LRFN2: variants seen among roughly 807,000 people sequenced by gnomAD.
The protein encoded by LRFN2 is leucine rich repeat and fibronectin type III domain containing 2, also known as leucine-rich repeat and fibronectin type-III domain-containing protein 2.
Under a neutral mutation model 37.3 loss-of-function variants are expected in LRFN2, and 18 were observed. The ratio of observed to expected loss-of-function variants is 0.48; its 90% CI spans 0.33 to 0.72. The LOEUF is 0.72. LRFN2 is among the 30% of genes least tolerant of loss of function. The pLI is 0.02. For synonymous variants in LRFN2, 556 were observed against 466.6 expected, an observed-to-expected ratio of 1.19 and a Z score of -2.47; for missense variants, 1,006 against 1,060.7, an observed-to-expected ratio of 0.95 and a Z score of 0.72.
rs56662303 is a variant in LRFN2 at position 40,553,125 on chromosome 6, A to G, written c.-19+33816T>C. Among the ~76,000 whole-genome samples the G allele has an allele frequency of 4.6e-3, 707 of 152,194 alleles. 2 individuals are homozygous for G. The highest frequency in any genetic ancestry group is 0.016 in the African/African-American group (649 of 41,526). On this transcript the variant is annotated intron_variant, in intron 1 of 2. Coordinates refer to ENST00000338305, the MANE Select transcript of LRFN2 (RefSeq NM_020737.3). ...CTCCGCTCTGCCTGCCAGGTGGAGG[A>G]GGGCATGTTGCTTTTCTCAGCCACT...
chr6:40,448,055 A>G (rs1435342341), intron 1 of LRFN2, among the ~76,000 whole-genome samples: 2 of 152,224 alleles, frequency 1.3e-5, no homozygotes, highest in African/African-American at 2.4e-5. Context: ...GTCAAAAGCC[A>G]CGAGTGCTCC....
At chr6:40,438,188 G>A (rs1763736919) in intron 1 of LRFN2, among the ~76,000 whole-genome samples, 1 of 151,808 alleles carries the variant, frequency 6.6e-6, no homozygotes, top group Admixed American at 6.6e-5. Context: ...GGAGCAGGGA[G>A]AAGTAAAACA....
intron 1 of LRFN2, among the ~76,000 whole-genome samples, chr6:40,538,496 A>AG: frequency 6.6e-6 from 1 of 152,354 alleles, no homozygotes; most frequent in Non-Finnish European, 1.5e-5. Context: ...AAGAAGAGAA[A>AG]TCCTCGCATC....
intron 1 of LRFN2, among the ~76,000 whole-genome samples, chr6:40,542,333 A>G (rs1474063309): frequency 1.3e-5 from 2 of 152,096 alleles, no homozygotes; most frequent in East Asian, 3.9e-4. Flanking sequence ...CGGTGGCAGC[A>G]GGGGGTCATT....
At chr6:40,521,646 A>G (rs760736306) in intron 1 of LRFN2, among the ~76,000 whole-genome samples, 4 of 152,216 alleles carry the variant, frequency 2.6e-5, no homozygotes, top group Non-Finnish European at 2.9e-5. Flanking sequence ...ACTGTGTGGC[A>G]GGGAGGGGAG....
intron 2 of LRFN2, among the ~76,000 whole-genome samples, chr6:40,416,209 A>G (rs957448691): frequency 2.6e-5 from 4 of 152,150 alleles, no homozygotes; most frequent in Non-Finnish European, 4.4e-5. Context: ...GGATTTCACC[A>G]TGTTGGCCAG....
chr6:40,431,795 C>T lies in LRFN2; in HGVS notation c.1319G>A (p.Trp440Ter), dbSNP rs1235154945. ...EVTTTSALVK[W>*]SVSKSAPRVK... ...CCGGGGTGCTGACTTGCTGACAGAC[C>T]ACTTGACCAGGGCCGAGGTGGTGGT... The change falls in exon 2 of 3, where the codon TGG (tryptophan) becomes TAG (stop). Residue 440 changes from tryptophan (W) to a stop codon, truncating the protein, a stop_gained. Coordinates refer to ENST00000338305, the MANE Select transcript of LRFN2 (RefSeq NM_020737.3). LOFTEE classifies it high-confidence loss of function. The T allele has an allele frequency of 6.5e-7, 1 of 1,539,794 alleles. No individual in the cohort carries two copies. Among genetic ancestry groups the T allele is most frequent in the East Asian group, 2.3e-5 (1 of 44,256 alleles).
At position 40,410,797 on chromosome 6, in the gene LRFN2, G is replaced by A. The variant is rs982222456; in HGVS notation, c.1401-17885C>T. On this transcript the variant is annotated intron_variant, in intron 2 of 2. Transcript: ENST00000338305. ...GTTTTAGGGGTTGGGGTCTCTGCCAGATGGGCAGAGGAGCCTTCCTATGGG... is the reference window on the plus strand; with the variant it reads ...GTTTTAGGGGTTGGGGTCTCTGCCAAATGGGCAGAGGAGCCTTCCTATGGG... Among the ~76,000 whole-genome samples, 7 of 152,226 alleles carry A rather than the reference G, an allele frequency of 4.6e-5. No individual in the cohort carries two copies. In the South Asian group the frequency reaches 8.3e-4, roughly 18 times the overall value.
intron 1 of LRFN2, among the ~76,000 whole-genome samples, chr6:40,488,769 A>G (rs1251367768): frequency 1.3e-5 from 2 of 152,164 alleles, no homozygotes; most frequent in African/African-American, 4.8e-5. Context: ...CAGGTCTGGT[A>G]TGAAGGAATT....
chr6:40,515,236 G>T (rs957031054), intron 1 of LRFN2, among the ~76,000 whole-genome samples: 2 of 152,300 alleles, frequency 1.3e-5, no homozygotes, highest in East Asian at 1.9e-4. Context: ...AGGGAGGCTG[G>T]CAGGGGAATG....
chr6:40,408,072 G>T (rs762437324), intron 2 of LRFN2: 84 of 152,864 alleles, frequency 5.5e-4, no homozygotes, highest in Non-Finnish European at 9.3e-4. Flanking sequence ...GTGCTGGGGG[G>T]AGTGAGGAAT....
chr6:40,411,755 C>T (rs777520853), intron 2 of LRFN2, among the ~76,000 whole-genome samples: 27 of 151,828 alleles, frequency 1.8e-4, no homozygotes, highest in African/African-American at 5.3e-4. Flanking sequence ...GCCCTGGACA[C>T]GCTAGCTAAT....
At chr6:40,540,746 G>T (rs1300347482) in intron 1 of LRFN2, among the ~76,000 whole-genome samples, 1 of 152,194 alleles carries the variant, frequency 6.6e-6, no homozygotes, top group African/African-American at 2.4e-5. Flanking sequence ...ACCCAGCGGT[G>T]GGGCAAGCAC....
chr6:40,472,087 G>A (rs1203475744), intron 1 of LRFN2, among the ~76,000 whole-genome samples: 1 of 152,196 alleles, frequency 6.6e-6, no homozygotes, highest in Non-Finnish European at 1.5e-5. Context: ...GTGTGCACAT[G>A]CACGGAAATA....
chr6:40,556,702 C>T (rs1189280091), intron 1 of LRFN2, among the ~76,000 whole-genome samples: 2 of 149,972 alleles, frequency 1.3e-5, no homozygotes, highest in African/African-American at 2.5e-5. Flanking sequence ...GTTTCTCTCT[C>T]TCTTACCTAC....
intron 1 of LRFN2, among the ~76,000 whole-genome samples, chr6:40,485,986 C>A (rs1427629722): frequency 6.6e-6 from 1 of 152,212 alleles, no homozygotes; most frequent in Non-Finnish European, 1.5e-5. Flanking sequence ...GGGAACTCAG[C>A]CCCCACTGGA....
In LRFN2 at chr6:40,391,969, C is replaced by T; in HGVS notation, c.2344G>A (p.Glu782Lys). 10 of 1,591,246 alleles carry T rather than the reference C, an allele frequency of 6.3e-6. No homozygotes were observed. The highest frequency in any genetic ancestry group is 1.3e-5 in the African/African-American group (1 of 74,592). The change falls in exon 3 of 3, where the codon GAA becomes AAA. Residue 782 changes from glutamate (E) to lysine (K), a missense_variant. By Grantham distance (56) the Glu-to-Lys change is moderately conservative. Coordinates refer to ENST00000338305, the MANE Select transcript of LRFN2 (RefSeq NM_020737.3). ...TAGACCGTGCTCTCCATCACCCATTCGGAGCTGCCAAAAGTCCCCCGGGCC... is the reference window on the plus strand; with the variant it reads ...TAGACCGTGCTCTCCATCACCCATTTGGAGCTGCCAAAAGTCCCCCGGGCC... ...VGARGTFGSS[E>K]WVMESTV
At chr6:40,586,554 C>G (rs1767507260) in intron 1 of LRFN2, among the ~76,000 whole-genome samples, 3 of 152,098 alleles carry the variant, frequency 2.0e-5, no homozygotes, top group East Asian at 3.9e-4. Context: ...CCAGCAATGG[C>G]TCTAGCCAGG....
intron 1 of LRFN2, among the ~76,000 whole-genome samples, chr6:40,445,009 A>AC (rs537743706): frequency 2.0e-3 from 285 of 142,294 alleles, no homozygotes; most frequent in African/African-American, 6.7e-3. Flanking sequence ...CCTCCACCTC[A>AC]CCCCCCCAGG....
Sources: gnomAD v4.1 joint callset for allele counts (sites outside exome capture counted in the v4.1 genomes callset) on GRCh38, gnomAD v4.1.1 for gene constraint, MANE v1.5 for transcripts, NCBI Gene and HGNC (gene_info 2026-07-23, HGNC 2026-07-21) for gene names.